Variants in CTSS observed in about 807,000 individuals in gnomAD.
CTSS encodes cathepsin S.
CTSS carries 15 observed loss-of-function variants against 39.9 expected under a neutral mutation model. The observed-to-expected ratio is 0.38, with a 90% CI of 0.25 to 0.58. The LOEUF is 0.58. Ranked by LOEUF, CTSS falls within the 20% of genes least tolerant of loss-of-function variation. CTSS has a pLI of 0.70. For missense variants in CTSS, 250 were observed against 398.2 expected, an observed-to-expected ratio of 0.63 and a Z score of 3.17; for synonymous variants, 126 against 138.2, an observed-to-expected ratio of 0.91 and a Z score of 0.62.
At chr1:150,745,965 C>T (rs1652885951) in intron 7 of CTSS, among the ~76,000 whole-genome samples, 1 of 152,108 alleles carries the variant, frequency 6.6e-6, no homozygotes. Flanking sequence ...CCGTGCTGTA[C>T]CTTTGATTCC....
At chr1:150,763,701 A>G (rs1653308991) in intron 2 of CTSS, among the ~76,000 whole-genome samples, 1 of 152,264 alleles carries the variant, frequency 6.6e-6, no homozygotes, top group Non-Finnish European at 1.5e-5. Flanking sequence ...TTACATAGTT[A>G]CAGGACTTAG....
intron 7 of CTSS, among the ~76,000 whole-genome samples, chr1:150,742,554 G>T (rs1401122854): frequency 6.6e-6 from 1 of 152,122 alleles, no homozygotes; most frequent in Non-Finnish European, 1.5e-5. Flanking sequence ...CAGGAGTTTG[G>T]ACTTCATTTT....
At chr1:150,746,592 A>G (rs1190556606) in intron 7 of CTSS, among the ~76,000 whole-genome samples, 1 of 152,206 alleles carries the variant, frequency 6.6e-6, no homozygotes, top group African/African-American at 2.4e-5. Flanking sequence ...TAGAAAAAAG[A>G]CATGTTCCTC....
chr1:150,757,788 C>T, intron 3 of CTSS, 70 bp downstream of exon 3: 1 of 1,534,656 alleles, frequency 6.5e-7, no homozygotes. Context: ...CTTCAAATTG[C>T]TTTTGGGGAG....
rs1161839781 is a variant in CTSS at position 150,732,899 on chromosome 1, G to T, written c.*147C>A. On this transcript the variant is annotated 3_prime_UTR_variant, in exon 8 of 8. Coordinates refer to ENST00000368985, the MANE Select transcript of CTSS (RefSeq NM_004079.5). ...ACTGGGATTACAGGCGTGAGCCACC[G>T]TGCCCGGCCTCAAACTATATTTTCT... The T allele has an allele frequency of 3.4e-6, 2 of 579,986 alleles. No individual in the cohort carries two copies. The highest frequency in any genetic ancestry group is 5.8e-6 in the Non-Finnish European group (2 of 345,028). The allele number at this position is 579,986 out of a possible 1,614,324, so 35.9% of individuals were successfully genotyped here.
At chr1:150,757,782 A>G in intron 3 of CTSS, 76 bp downstream of exon 3, 2 of 1,495,470 alleles carry the variant, frequency 1.3e-6, no homozygotes, top group Non-Finnish European at 1.8e-6. Context: ...GTTTACCTTC[A>G]AATTGCTTTT....
chr1:150,764,538 T>C, intron 2 of CTSS, 100 bp downstream of exon 2: 8 of 1,515,786 alleles, frequency 5.3e-6, no homozygotes, highest in Non-Finnish European at 6.3e-6. Flanking sequence ...ACACCCAGCT[T>C]AAATATTTAC....
chr1:150,752,056 G>A lies in CTSS; in HGVS notation c.400-48C>T, dbSNP rs1653019439. ...AACGCAAATCACAGAAAATCATTCG[G>A]AATGACTTCCATAACCCAAACTGGA... On this transcript the variant is annotated intron_variant, in intron 4 of 7. Coordinates refer to ENST00000368985, the MANE Select transcript of CTSS (RefSeq NM_004079.5). 1.9e-6 allele frequency: 3 copies of A among 1,596,684 alleles called. No homozygotes were observed. The East Asian group carries it at 6.7e-5, about 36-fold the overall frequency.
intron 7 of CTSS, among the ~76,000 whole-genome samples, chr1:150,734,102 C>A (rs1652581176): frequency 6.6e-6 from 1 of 151,350 alleles, no homozygotes; most frequent in Non-Finnish European, 1.5e-5. Flanking sequence ...AATCTCAGCT[C>A]ACCGCAGCCT....
chr1:150,742,188 C>T (rs1249376646), intron 7 of CTSS, among the ~76,000 whole-genome samples: 2 of 59,212 alleles, frequency 3.4e-5, no homozygotes, highest in African/African-American at 3.5e-5. Context: ...ACCTTAAAGG[C>T]AGAGGTTGCG....
At position 150,747,808 on chromosome 1, in the gene CTSS, TA is replaced by T; in HGVS notation, c.864del (p.Asn289MetfsTer8). Reference sequence around the variant, plus strand: ...TTCACAAGCCAGTATTCTTTCCCATTAAGATCACCATAGCCAACCACAAGTA... The same window carrying T: ...TTCACAAGCCAGTATTCTTTCCCATTAGATCACCATAGCCAACCACAAGTA... Reference protein sequence around the residue: ...HGVLVVGYGDLNGKEYWLVKN... With the variant: ...HGVLVVGYGDXNGKEYWLVKN... On this transcript the variant is annotated frameshift_variant, in exon 7 of 8. Transcript: ENST00000368985. LOFTEE classifies it high-confidence loss of function. 1 of 1,613,502 alleles carries T rather than the reference TA, an allele frequency of 6.2e-7. No homozygotes were observed. The highest frequency in any genetic ancestry group is 8.5e-7 in the Non-Finnish European group (1 of 1,179,480).
chr1:150,761,736 A>C (rs1653268982), intron 2 of CTSS, among the ~76,000 whole-genome samples: 1 of 151,874 alleles, frequency 6.6e-6, no homozygotes, highest in Admixed American at 6.6e-5. Context: ...CATCTCAAAA[A>C]AACAAGAAAA....
At chr1:150,756,708 C>CTTTTTTTT (rs72242218) in intron 3 of CTSS, among the ~76,000 whole-genome samples, 78 of 131,128 alleles carry the variant, frequency 5.9e-4, no homozygotes, top group East Asian at 1.8e-3. Flanking sequence ...TTCTTTCTTT[C>CTTTTTTTT]TTTTTTTTTT....
intron 7 of CTSS, among the ~76,000 whole-genome samples, chr1:150,740,774 G>A (rs587692881): frequency 2.0e-5 from 3 of 150,626 alleles, no homozygotes; most frequent in Admixed American, 6.6e-5. Flanking sequence ...CACTCACAGC[G>A]GCCTCAACTT....
chr1:150,740,075 A>G (rs990157755), intron 7 of CTSS, among the ~76,000 whole-genome samples: 1 of 152,214 alleles, frequency 6.6e-6, no homozygotes, highest in Non-Finnish European at 1.5e-5. Context: ...AGCTTGGCAC[A>G]TGGTAGGTAC....
chr1:150,756,586 T>C (rs1188766093), intron 3 of CTSS, among the ~76,000 whole-genome samples: 6 of 152,132 alleles, frequency 3.9e-5, no homozygotes. Flanking sequence ...AAGAGGAACT[T>C]TTCAGCTCCA....
chr1:150,741,621 C>T (rs1298351864), intron 7 of CTSS, among the ~76,000 whole-genome samples: 2 of 152,224 alleles, frequency 1.3e-5, no homozygotes, highest in Non-Finnish European at 2.9e-5. Flanking sequence ...CGCCTGTAAT[C>T]CTGGCACTTT....
chr1:150,758,393 C>T (rs1023193960), intron 2 of CTSS, among the ~76,000 whole-genome samples: 1 of 151,794 alleles, frequency 6.6e-6, no homozygotes, highest in Non-Finnish European at 1.5e-5. Context: ...TGGATCTGCC[C>T]GAGAGCATGC....
intron 5 of CTSS, 121 bp from the exon 6 acceptor site, chr1:150,750,292 C>A (rs1402482565): frequency 2.9e-6 from 2 of 689,728 alleles, no homozygotes; most frequent in Non-Finnish European, 4.6e-6. Flanking sequence ...GTGTCTAAGG[C>A]TCCTTCCTTT....
Sources: allele counts gnomAD v4.1 joint callset (sites outside exome capture counted in the v4.1 genomes callset), GRCh38; gene constraint gnomAD v4.1.1; transcripts MANE v1.5; gene names NCBI Gene and HGNC (gene_info 2026-07-23, HGNC 2026-07-21).